Variants in MBLAC1 observed in about 807,000 individuals in gnomAD.
MBLAC1 encodes the protein metallo-beta-lactamase domain-containing protein 1.
A neutral mutation model predicts 1.5 loss-of-function variants in MBLAC1; 1 was observed. The observed-to-expected ratio is 0.68, with a 90% CI of 0.24 to 3.21. MBLAC1 has a LOEUF of 3.21. MBLAC1 is among the 30% of genes most tolerant of loss of function. The pLI is 0.20. For synonymous variants in MBLAC1, 197 were observed against 191.3 expected (o/e 1.03, Z -0.25); for missense variants, 371 against 384.7 (o/e 0.96, Z 0.30).
chr7:100,127,285 G>C lies in MBLAC1; in HGVS notation c.-28-83G>C. The C allele has an allele frequency of 9.5e-7, 1 of 1,050,346 alleles. No homozygotes were observed. The highest frequency in any genetic ancestry group is 1.3e-6 in the Non-Finnish European group (1 of 746,036). 65.1% of individuals were successfully genotyped at this position (1,050,346 alleles called of 1,614,324 possible). On this transcript the variant is annotated intron_variant, in intron 1 of 1. Coordinates refer to ENST00000398075, the MANE Select transcript of MBLAC1 (RefSeq NM_203397.3). The surrounding 1 kb of genome is among the most constrained non-coding windows in gnomAD (Gnocchi z 4.6). The stretch of plus-strand genomic sequence containing the variant: ...GCGGGTGGCAGAGAACCGAGGCTTA[G>C]GGGCAGTGGCGGGGCCGAGCGCGGG...
rs895213355 is a variant in MBLAC1, at chr7:100,128,026, G to A, written c.631G>A (p.Ala211Thr). ...GTGGCAGGCACTGAGTGAAGACCCC[G>A]CAGCCCAGGAGCGGAGCCGGAAGAG... ...DSWQALSEDP[A>T]AQERSRKRVL... is the part of the protein sequence containing the mutation. The change falls in exon 2 of 2, where the codon GCA becomes ACA. Residue 211 changes from alanine to threonine, a missense_variant. Coordinates refer to ENST00000398075, the MANE Select transcript of MBLAC1 (RefSeq NM_203397.3). 3 of 1,613,652 alleles carry A rather than the reference G, an allele frequency of 1.9e-6. No homozygotes were observed. Among genetic ancestry groups the A allele is most frequent in the East Asian group, 4.5e-5 (2 of 44,862 alleles).
Position 100,127,953 on chromosome 7 carries a change from C to T in MBLAC1, c.558C>T (p.Thr186=), listed in dbSNP as rs765456503. 1 of 1,604,584 alleles carries T rather than the reference C, an allele frequency of 6.2e-7. No homozygotes were observed. Among genetic ancestry groups the T allele is most frequent in the Non-Finnish European group, 8.5e-7 (1 of 1,175,646 alleles). Residue 186 remains threonine (T), a synonymous_variant, in exon 2 of 2, where the codon ACC becomes ACT. Transcript: ENST00000398075. This position sits in a 1 kb window ranked among gnomAD's most constrained non-coding sequence, Gnocchi z 4.6. ...SVVVAGTALG[T]VVVAGDVFER... is the part of the protein sequence containing the mutation. ...TGGTGGCCGGCACGGCTCTGGGCAC[C>T]GTGGTGGTGGCGGGAGATGTGTTTG...
chr7:100,128,218 C>T lies in MBLAC1; in HGVS notation c.*22C>T, dbSNP rs774379870. 21 of 1,548,302 alleles carry T rather than the reference C, an allele frequency of 1.4e-5. No homozygotes were observed. The highest frequency in any genetic ancestry group is 1.4e-5 in the African/African-American group (1 of 73,488). On this transcript the variant is annotated 3_prime_UTR_variant, in exon 2 of 2. Coordinates refer to ENST00000398075, the MANE Select transcript of MBLAC1 (RefSeq NM_203397.3). Reference sequence around the variant, plus strand: ...CTAATCAGCCTCGAGAGGGACTGCACTCTTGTCAGGGAAGCCCTAACAGCG... The same window carrying T: ...CTAATCAGCCTCGAGAGGGACTGCATTCTTGTCAGGGAAGCCCTAACAGCG...
chr7:100,128,116 G>T lies in MBLAC1; in HGVS notation c.721G>T (p.Ala241Ser), dbSNP rs1000392813. 4 of 1,608,194 alleles carry T rather than the reference G, an allele frequency of 2.5e-6. No individual in the cohort carries two copies. The African/African-American group carries it at 5.3e-5, about 21-fold the overall frequency. Residue 241 changes from alanine (A) to serine (S), a missense_variant, in exon 2 of 2, where the codon GCC becomes TCC. By Grantham distance (99) the Ala-to-Ser change is moderately conservative. Transcript: ENST00000398075. Reference sequence around the variant, plus strand: ...GCCCCCCTTTCGAGTGTTAAGGGAAGCCTCGCAGCCCGAGACGGAGGGTGG... The same window carrying T: ...GCCCCCCTTTCGAGTGTTAAGGGAATCCTCGCAGCCCGAGACGGAGGGTGG... ...HGPPFRVLREASQPETEGGGN... is the reference protein window; with the variant it reads ...HGPPFRVLRESSQPETEGGGN...
rs1798255520 is a variant in MBLAC1 at position 100,127,513 on chromosome 7, G to T, written c.118G>T (p.Ala40Ser). The T allele has an allele frequency of 1.3e-6, 2 of 1,572,754 alleles. No homozygotes were observed. The highest frequency in any genetic ancestry group is 2.3e-5 in the South Asian group (2 of 88,470). ...AGAGGGTGTGGGCGATGCCGTGCGC[G>T]CCGACGGCTCCGTGACCCTGGTCCT... ...EPEGVGDAVR[A>S]DGSVTLVLPQ... Residue 40 changes from alanine to serine, a missense_variant, in exon 2 of 2, where the codon GCC becomes TCC. By Grantham distance (99) the Ala-to-Ser change is moderately conservative (BLOSUM62 1). Transcript: ENST00000398075. The surrounding 1 kb of genome is among the most constrained non-coding windows in gnomAD (Gnocchi z 4.6).
chr7:100,127,188 G>C lies in MBLAC1; in HGVS notation c.-29+124G>C, dbSNP rs1443020023. ...GCCGAGGACGCCGAGGGAGGGGCGG[G>C]CCCAAGTGTGAAGGGAGTCTGGGCG... On this transcript the variant is annotated intron_variant, in intron 1 of 1. Coordinates refer to ENST00000398075, the MANE Select transcript of MBLAC1 (RefSeq NM_203397.3). The surrounding 1 kb of genome is among the most constrained non-coding windows in gnomAD (Gnocchi z 4.6). 1 of 550,896 alleles carries C rather than the reference G, an allele frequency of 1.8e-6. No individual in the cohort carries two copies. The highest frequency in any genetic ancestry group is 2.0e-5 in the African/African-American group (1 of 50,022). 34.1% of individuals were successfully genotyped at this position (550,896 alleles called of 1,614,324 possible).
rs765401584 is a variant in MBLAC1 at position 100,127,846 on chromosome 7, G to A, written c.451G>A (p.Glu151Lys). The A allele has an allele frequency of 3.2e-6, 5 of 1,562,694 alleles. No homozygotes were observed. Among genetic ancestry groups the A allele is most frequent in the Non-Finnish European group, 4.3e-6 (5 of 1,152,606 alleles). Residue 151 changes from glutamate (E) to lysine (K), a missense_variant, in exon 2 of 2, where the codon GAG (glutamate) becomes AAG (lysine). Physicochemically the swap from Glu to Lys is moderately conservative, Grantham distance 56 (BLOSUM62 1). Transcript: ENST00000398075. The surrounding 1 kb of genome is among the most constrained non-coding windows in gnomAD (Gnocchi z 4.6). ...GGRYLPHGLG[E>K]GQPLRLGPGL... The stretch of plus-strand genomic sequence containing the variant: ...CCGCTACCTGCCCCACGGGCTGGGT[G>A]AGGGGCAGCCCCTGCGCCTGGGCCC...
Position 100,127,978 on chromosome 7 carries a change from G to T in MBLAC1, c.583G>T (p.Glu195Ter). The change falls in exon 2 of 2, where the codon GAG (glutamate) becomes TAG (stop). Residue 195 changes from glutamate to a stop codon, truncating the protein, a stop_gained. Transcript: ENST00000398075. LOFTEE classifies it low-confidence loss of function (END_TRUNC). The surrounding 1 kb of genome is among the most constrained non-coding windows in gnomAD (Gnocchi z 4.6). ...CGTGGTGGTGGCGGGAGATGTGTTTGAGCGAGATGGGGACGAGGATTCGTG... is the reference window on the plus strand; with the variant it reads ...CGTGGTGGTGGCGGGAGATGTGTTTTAGCGAGATGGGGACGAGGATTCGTG... Reference protein sequence around the residue: ...GTVVVAGDVFERDGDEDSWQA... With the variant: ...GTVVVAGDVF The T allele has an allele frequency of 6.2e-7, 1 of 1,611,938 alleles. No homozygotes were observed. Among genetic ancestry groups the T allele is most frequent in the Non-Finnish European group, 8.5e-7 (1 of 1,179,114 alleles).
rs1319682146 is a variant in MBLAC1, at chr7:100,127,719, G to A, written c.324G>A (p.Thr108=). The change falls in exon 2 of 2, where the codon ACG becomes ACA. Residue 108 remains threonine (T), a synonymous_variant. Coordinates refer to ENST00000398075, the MANE Select transcript of MBLAC1 (RefSeq NM_203397.3). This position sits in a 1 kb window ranked among gnomAD's most constrained non-coding sequence, Gnocchi z 4.6. The stretch of plus-strand genomic sequence containing the variant: ...AGGGCGTGGCCCCGGGAGACGTGAC[G>A]CTAGTGGTGGGGACCCACGGGCACT... ...AGQGVAPGDV[T]LVVGTHGHSD... is the part of the protein sequence containing the mutation. 15 of 1,471,684 alleles carry A rather than the reference G, an allele frequency of 1.0e-5. No individual in the cohort carries two copies. The highest frequency in any genetic ancestry group is 2.9e-5 in the African/African-American group (2 of 68,266). 91.2% of individuals were successfully genotyped at this position (1,471,684 alleles called of 1,614,324 possible).
At position 100,128,210 on chromosome 7, in the gene MBLAC1, G is replaced by A. The variant is rs567360302; in HGVS notation, c.*14G>A. 2.0e-5 allele frequency: 31 copies of A among 1,561,028 alleles called. No homozygotes were observed. The South Asian group carries it at 3.5e-4, about 18-fold the overall frequency. On this transcript the variant is annotated 3_prime_UTR_variant, in exon 2 of 2. Transcript: ENST00000398075. ...GCCCTGCACTAATCAGCCTCGAGAG[G>A]GACTGCACTCTTGTCAGGGAAGCCC...
Position 100,128,056 on chromosome 7 carries a change from C to T in MBLAC1, c.661C>T (p.Leu221=). Residue 221 remains leucine (L), a synonymous_variant, in exon 2 of 2, where the codon CTG becomes TTG. Coordinates refer to ENST00000398075, the MANE Select transcript of MBLAC1 (RefSeq NM_203397.3). ...CCAGGAGCGGAGCCGGAAGAGGGTC[C>T]TGGTCGTTGCCGACGTGGTCGTACC... ...AAQERSRKRV[L]VVADVVVPGH... is the part of the protein sequence containing the mutation. The T allele has an allele frequency of 6.2e-7, 1 of 1,613,120 alleles. No homozygotes were observed. The highest frequency in any genetic ancestry group is 1.1e-5 in the South Asian group (1 of 90,864).
Position 100,127,529 on chromosome 7 carries a change from C to A in MBLAC1, c.134C>A (p.Thr45Asn). ...GDAVRADGSV[T>N]LVLPQTRGPA... ...GCCGTGCGCGCCGACGGCTCCGTGA[C>A]CCTGGTCCTACCCCAGACCCGGGGC... Residue 45 changes from threonine to asparagine, a missense_variant, in exon 2 of 2, where the codon ACC (threonine) becomes AAC (asparagine). Physicochemically the swap from Thr to Asn is moderately conservative, Grantham distance 65. Coordinates refer to ENST00000398075, the MANE Select transcript of MBLAC1 (RefSeq NM_203397.3). The surrounding 1 kb of genome is among the most constrained non-coding windows in gnomAD (Gnocchi z 4.6). The A allele has an allele frequency of 6.4e-7, 1 of 1,559,996 alleles. No individual in the cohort carries two copies.
chr7:100,128,379 C>G lies in MBLAC1; in HGVS notation c.*183C>G. 1.6e-6 allele frequency: 1 copy of G among 607,696 alleles called. No homozygotes were observed. The highest frequency in any genetic ancestry group is 2.2e-5 in the South Asian group (1 of 45,074). The allele number at this position is 607,696 out of a possible 1,614,324, so 37.6% of individuals were successfully genotyped here. ...TCAGTATCACTGCCTGTCTCTGCCA[C>G]CAAACTAAGATCAAAGGAGGGGCTC... is the stretch of plus-strand genomic sequence containing the variant. On this transcript the variant is annotated 3_prime_UTR_variant, in exon 2 of 2. Transcript: ENST00000398075.
In MBLAC1 at chr7:100,127,612, G is replaced by A. The variant is rs1282384715; in HGVS notation, c.217G>A (p.Glu73Lys). ...GAGTGGCGGCGCAGAGGCCGCCCTG[G>A]AGGAGGCGGCCCGTGGCCCCATCCT... is the stretch of plus-strand genomic sequence containing the variant. Reference protein sequence around the residue: ...RGSGGAEAALEEAARGPILVD... With the variant: ...RGSGGAEAALKEAARGPILVD... Residue 73 changes from glutamate to lysine, a missense_variant, in exon 2 of 2, where the codon GAG becomes AAG. Coordinates refer to ENST00000398075, the MANE Select transcript of MBLAC1 (RefSeq NM_203397.3). This position sits in a 1 kb window ranked among gnomAD's most constrained non-coding sequence, Gnocchi z 4.6. 6 of 1,399,410 alleles carry A rather than the reference G, an allele frequency of 4.3e-6. No homozygotes were observed. The South Asian group carries it at 6.4e-5, about 15-fold the overall frequency. The allele number at this position is 1,399,410 out of a possible 1,614,324, so 86.7% of individuals were successfully genotyped here. A position where few individuals can be genotyped will look rare whatever the true frequency, so the allele number is the denominator to read the frequency against.
Position 100,127,560 on chromosome 7 carries a change from C to A in MBLAC1, c.165C>A (p.Ala55=). 6.9e-7 allele frequency: 1 copy of A among 1,449,742 alleles called. No individual in the cohort carries two copies. Among genetic ancestry groups the A allele is most frequent in the South Asian group, 1.4e-5 (1 of 70,258 alleles). The allele number at this position is 1,449,742 out of a possible 1,614,324, so 89.8% of individuals were successfully genotyped here. A position where few individuals can be genotyped will look rare whatever the true frequency, so the allele number is the denominator to read the frequency against. ...TCCTACCCCAGACCCGGGGCCCGGCCTCCAGCCACCGAGAGTCCCCGCGCG... is the reference window on the plus strand; with the variant it reads ...TCCTACCCCAGACCCGGGGCCCGGCATCCAGCCACCGAGAGTCCCCGCGCG... ...TLVLPQTRGP[A]SSHRESPRGS... Residue 55 remains alanine, a synonymous_variant, in exon 2 of 2, where the codon GCC becomes GCA. Transcript: ENST00000398075. The surrounding 1 kb of genome is among the most constrained non-coding windows in gnomAD (Gnocchi z 4.6).
In MBLAC1 at chr7:100,127,534, G is replaced by A. The variant is rs772492376; in HGVS notation, c.139G>A (p.Val47Ile). ...GCGCGCCGACGGCTCCGTGACCCTG[G>A]TCCTACCCCAGACCCGGGGCCCGGC... ...AVRADGSVTL[V>I]LPQTRGPASS... Residue 47 changes from valine to isoleucine, a missense_variant, in exon 2 of 2, where the codon GTC becomes ATC. By Grantham distance (29) the Val-to-Ile change is conservative (BLOSUM62 3). Transcript: ENST00000398075. The surrounding 1 kb of genome is among the most constrained non-coding windows in gnomAD (Gnocchi z 4.6). 53 of 1,538,620 alleles carry A rather than the reference G, an allele frequency of 3.4e-5. No individual in the cohort carries two copies. In the South Asian group the frequency reaches 5.5e-4, roughly 16 times the overall value.
rs1288479142 is a variant in MBLAC1 at position 100,127,832 on chromosome 7, C to T, written c.437C>T (p.Pro146Leu). 1 of 1,566,148 alleles carries T rather than the reference C, an allele frequency of 6.4e-7. No individual in the cohort carries two copies. The highest frequency in any genetic ancestry group is 8.7e-7 in the Non-Finnish European group (1 of 1,154,714). ...TGCCTTCCCGGAGGCCGCTACCTGC[C>T]CCACGGGCTGGGTGAGGGGCAGCCC... is the stretch of plus-strand genomic sequence containing the variant. ...DFCLPGGRYL[P>L]HGLGEGQPLR... The change falls in exon 2 of 2, where the codon CCC becomes CTC. Residue 146 changes from proline to leucine, a missense_variant. Physicochemically the swap from Pro to Leu is moderately conservative, Grantham distance 98. Coordinates refer to ENST00000398075, the MANE Select transcript of MBLAC1 (RefSeq NM_203397.3). The surrounding 1 kb of genome is among the most constrained non-coding windows in gnomAD (Gnocchi z 4.6).
chr7:100,127,440 C>A lies in MBLAC1; in HGVS notation c.45C>A (p.Pro15=), dbSNP rs753364664. The A allele has an allele frequency of 1.3e-6, 2 of 1,594,010 alleles. No homozygotes were observed. Among genetic ancestry groups the A allele is most frequent in the Admixed American group, 3.4e-5 (2 of 59,602 alleles). The part of the protein sequence containing the change: ...PLCGASPLLV[P]GDPYSVVVLL... ...GCGGGGCATCCCCTCTGCTGGTGCCCGGCGACCCCTACTCTGTGGTGGTTC... is the reference window on the plus strand; with the variant it reads ...GCGGGGCATCCCCTCTGCTGGTGCCAGGCGACCCCTACTCTGTGGTGGTTC... Residue 15 remains proline, a synonymous_variant, in exon 2 of 2, where the codon CCC becomes CCA. Transcript: ENST00000398075. This position sits in a 1 kb window ranked among gnomAD's most constrained non-coding sequence, Gnocchi z 4.6.
chr7:100,127,505 C>G lies in MBLAC1; in HGVS notation c.110C>G (p.Ala37Gly), dbSNP rs1435205944. ...GYAEPEGVGD[A>G]VRADGSVTLV... ...GCGGAGCCAGAGGGTGTGGGCGATGCCGTGCGCGCCGACGGCTCCGTGACC... is the reference window on the plus strand; with the variant it reads ...GCGGAGCCAGAGGGTGTGGGCGATGGCGTGCGCGCCGACGGCTCCGTGACC... Residue 37 changes from alanine to glycine, a missense_variant, in exon 2 of 2, where the codon GCC (alanine) becomes GGC (glycine). By Grantham distance (60) the Ala-to-Gly change is moderately conservative. Transcript: ENST00000398075. This position sits in a 1 kb window ranked among gnomAD's most constrained non-coding sequence, Gnocchi z 4.6. 6.3e-7 allele frequency: 1 copy of G among 1,576,248 alleles called. No homozygotes were observed. Among genetic ancestry groups the G allele is most frequent in the Non-Finnish European group, 8.5e-7 (1 of 1,169,714 alleles).
Sources: allele counts gnomAD v4.1 joint callset, GRCh38; gene constraint gnomAD v4.1.1; non-coding constraint Gnocchi (gnomAD v3.1); transcripts MANE v1.5; gene names NCBI Gene and HGNC (gene_info 2026-07-23, HGNC 2026-07-21).